Variants in DNAAF6 observed in about 807,000 individuals in gnomAD.
The protein encoded by DNAAF6 is dynein axonemal assembly factor 6.
In DNAAF6, 3 loss-of-function variants were observed where a neutral mutation model predicts 13.7. That is an observed-to-expected ratio of 0.22 (90% CI 0.10 to 0.56). The LOEUF is 0.56. Ranked by LOEUF, DNAAF6 falls within the 20% of genes least tolerant of loss-of-function variation. DNAAF6 has a pLI of 0.92. For missense variants in DNAAF6, 130 were observed against 151.0 expected, an observed-to-expected ratio of 0.86 and a Z score of 0.73; for synonymous variants, 54 against 49.2, an observed-to-expected ratio of 1.10 and a Z score of -0.41.
At chrX:107,231,545 GA>G (rs1481362108) in intron 5 of DNAAF6, among the ~76,000 whole-genome samples, 4 of 111,305 alleles carry the variant, frequency 3.6e-5, no homozygotes, top group East Asian at 2.8e-4. Flanking sequence ...AAGATCATAT[GA>G]TTTTTTTAGT....
intron 5 of DNAAF6, among the ~76,000 whole-genome samples, chrX:107,232,554 G>A (rs1404042943): frequency 9.0e-6 from 1 of 111,630 alleles, no homozygotes; most frequent in Non-Finnish European, 1.9e-5. Context: ...AAATTGTATT[G>A]TACATTAGAA....
At chrX:107,221,368 C>T (rs889596010) in intron 4 of DNAAF6, among the ~76,000 whole-genome samples, 1 of 110,351 alleles carries the variant, frequency 9.1e-6, no homozygotes, top group Non-Finnish European at 1.9e-5. Flanking sequence ...AATTCTCCCA[C>T]CTTACTCTCC....
At chrX:107,240,816 G>C (rs753275582) in intron 6 of DNAAF6, among the ~76,000 whole-genome samples, 1 of 111,345 alleles carries the variant, frequency 9.0e-6, no homozygotes, top group South Asian at 3.8e-4. Context: ...TTTTCTAAGT[G>C]AATTCTAAGA....
intron 1 of DNAAF6, among the ~76,000 whole-genome samples, chrX:107,206,976 A>G (rs778771070): frequency 2.6e-4 from 29 of 111,836 alleles, no homozygotes; most frequent in South Asian, 3.8e-4. Flanking sequence ...AGGCAAAAGT[A>G]AACATCTGAA....
intron 5 of DNAAF6, among the ~76,000 whole-genome samples, chrX:107,227,425 G>C (rs1313061049): frequency 9.0e-6 from 1 of 111,021 alleles, no homozygotes; most frequent in Admixed American, 9.6e-5. Flanking sequence ...AATGTATTTG[G>C]CTGCTTGATA....
intron 5 of DNAAF6, 107 bp from the exon 6 acceptor site, chrX:107,238,815 A>T: frequency 9.0e-7 from 1 of 1,108,258 alleles, no homozygotes; most frequent in Non-Finnish European, 1.2e-6. Flanking sequence ...ATAGCCTGGC[A>T]CATAGTTGAC....
At position 107,244,126 on chromosome X, in the gene DNAAF6, T is replaced by A. The variant is rs1215323917; in HGVS notation, c.*828T>A. On this transcript the variant is annotated 3_prime_UTR_variant, in exon 7 of 7. Coordinates refer to ENST00000372453, the MANE Select transcript of DNAAF6 (RefSeq NM_173494.2). Reference sequence around the variant, plus strand: ...CTTTTAATGCTTGGATATAGTTAGGTTAAAAACATTTTTTATATGCACTAA... The same window carrying A: ...CTTTTAATGCTTGGATATAGTTAGGATAAAAACATTTTTTATATGCACTAA... 2 of 112,590 alleles carry A rather than the reference T, an allele frequency of 1.8e-5. No individual in the cohort carries two copies. The highest frequency in any genetic ancestry group is 6.5e-5 in the African/African-American group (2 of 30,948). 9.3% of individuals were successfully genotyped at this position (112,590 alleles called of 1,213,427 possible). A position where few individuals can be genotyped will look rare whatever the true frequency, so the allele number is the denominator to read the frequency against.
intron 4 of DNAAF6, among the ~76,000 whole-genome samples, chrX:107,221,694 C>G (rs1469625172): frequency 9.0e-6 from 1 of 111,336 alleles, no homozygotes; most frequent in Non-Finnish European, 1.9e-5. Context: ...TTGTTTTAAC[C>G]TGGCTTCACC....
intron 2 of DNAAF6, among the ~76,000 whole-genome samples, chrX:107,215,481 C>G (rs1927956620): frequency 8.9e-6 from 1 of 111,885 alleles, no homozygotes; most frequent in South Asian, 3.7e-4. Context: ...CAAATATTAT[C>G]TTGGGATTTT....
At chrX:107,229,718 C>A (rs1381513704) in intron 5 of DNAAF6, among the ~76,000 whole-genome samples, 1 of 110,594 alleles carries the variant, frequency 9.0e-6, no homozygotes, top group Admixed American at 9.6e-5. Context: ...TTTTAACTCT[C>A]GCTCTGTCAC....
intron 1 of DNAAF6, among the ~76,000 whole-genome samples, chrX:107,209,582 G>A (rs1840153607): frequency 9.0e-6 from 1 of 111,066 alleles, no homozygotes; most frequent in African/African-American, 3.3e-5. Flanking sequence ...ACAGGCGCCC[G>A]CCATCATGCC....
chrX:107,216,490 G>A lies in DNAAF6; in HGVS notation c.154-181G>A, dbSNP rs763435836. Among the ~76,000 whole-genome samples, 5 of 111,798 alleles carry A rather than the reference G, an allele frequency of 4.5e-5. No individual in the cohort carries two copies. In the South Asian group the frequency reaches 1.9e-3, roughly 42 times the overall value. Reference sequence around the variant, plus strand: ...AACCAAACACTTTTTGAAAGAACAAGGAAAGCATATTCGAAATAGTACTTG... The same window carrying A: ...AACCAAACACTTTTTGAAAGAACAAAGAAAGCATATTCGAAATAGTACTTG... On this transcript the variant is annotated intron_variant, in intron 2 of 6. Coordinates refer to ENST00000372453, the MANE Select transcript of DNAAF6 (RefSeq NM_173494.2).
chrX:107,224,651 G>T (rs1928216470), intron 5 of DNAAF6, among the ~76,000 whole-genome samples: 3 of 110,364 alleles, frequency 2.7e-5, no homozygotes, highest in Non-Finnish European at 5.7e-5. Context: ...TGTGGGGATG[G>T]TTAATGGGTA....
chrX:107,231,644 G>C (rs1356492590), intron 5 of DNAAF6, among the ~76,000 whole-genome samples: 3 of 110,127 alleles, frequency 2.7e-5, no homozygotes, highest in Non-Finnish European at 1.9e-5. Context: ...TATTTGTTGA[G>C]TGCCTATGAT....
intron 3 of DNAAF6, among the ~76,000 whole-genome samples, chrX:107,217,052 GAATA>G (rs1424790235): frequency 9.0e-6 from 1 of 110,561 alleles, no homozygotes; most frequent in Non-Finnish European, 1.9e-5. Flanking sequence ...ATGGAGAAAT[GAATA>G]AATAATTTTT....
At chrX:107,226,609 T>A (rs1198787012) in intron 5 of DNAAF6, among the ~76,000 whole-genome samples, 1 of 111,962 alleles carries the variant, frequency 8.9e-6, no homozygotes, top group African/African-American at 3.2e-5. Flanking sequence ...TTTTCACCCA[T>A]GGTGCCAAAA....
intron 3 of DNAAF6, among the ~76,000 whole-genome samples, chrX:107,218,281 C>T (rs1185344566): frequency 9.0e-6 from 1 of 111,246 alleles, no homozygotes; most frequent in East Asian, 2.8e-4. Context: ...AAATGCTGGA[C>T]TAAAAAATGA....
Position 107,211,120 on chromosome X carries a change from A to C in DNAAF6, c.-3-1753A>C, listed in dbSNP as rs574707950. Among the ~76,000 whole-genome samples the C allele has an allele frequency of 7.8e-4, 87 of 112,201 alleles. 1 individual carries two copies. The South Asian group carries it at 0.03, about 39-fold the overall frequency. ...AAATGAATTTTAATAAATGTTTTTT[A>C]ATAAAGTTGAATAAGTTATTCTAAA... is the stretch of plus-strand genomic sequence containing the variant. On this transcript the variant is annotated intron_variant, in intron 1 of 6. Coordinates refer to ENST00000372453, the MANE Select transcript of DNAAF6 (RefSeq NM_173494.2).
rs139564174 is a variant in DNAAF6, at chrX:107,238,322, A to G, written c.430-600A>G. Reference sequence around the variant, plus strand: ...TCTTGGGTATATACCCAGGAGTGGAATTGCTGGGCCATGTGGTAATTGAGA... The same window carrying G: ...TCTTGGGTATATACCCAGGAGTGGAGTTGCTGGGCCATGTGGTAATTGAGA... On this transcript the variant is annotated intron_variant, in intron 5 of 6. Transcript: ENST00000372453. 2.6e-3 allele frequency among the ~76,000 whole-genome samples: 284 copies of G among 111,184 alleles called. 1 individual carries two copies. Among genetic ancestry groups the G allele is most frequent in the African/African-American group, 8.0e-3 (246 of 30,617 alleles).
Sources: allele counts gnomAD v4.1 joint callset (sites outside exome capture counted in the v4.1 genomes callset), GRCh38; gene constraint gnomAD v4.1.1; transcripts MANE v1.5; gene names NCBI Gene and HGNC (gene_info 2026-07-23, HGNC 2026-07-21).